Variants in ARAP2 observed in about 807,000 individuals in gnomAD.
The protein encoded by ARAP2 is arf-GAP with Rho-GAP domain, ANK repeat and PH domain-containing protein 2.
ARAP2 carries 148 observed loss-of-function variants against 194.5 expected under a neutral mutation model. The observed-to-expected ratio is 0.76, with a 90% CI of 0.67 to 0.87. ARAP2 has a LOEUF of 0.87. Among genes scored for constraint, ARAP2 ranks in the 40% least tolerant of loss-of-function variants. The probability of loss-of-function intolerance (pLI) is 0.00; values close to 1 mark genes in which losing one functional copy is unlikely to be tolerated. For missense variants in ARAP2, 2,128 were observed against 1,989.7 expected (o/e 1.07, Z -1.32); for synonymous variants, 695 against 683.5 (o/e 1.02, Z -0.26).
Position 36,050,709 on chromosome 4 carries a change from C to T in ARAP2, n.369+1297G>A, listed in dbSNP as rs116143771. Among the ~76,000 whole-genome samples, 1,269 of 152,230 alleles carry T rather than the reference C, an allele frequency of 8.3e-3. 13 individuals are homozygous for T. Among genetic ancestry groups the T allele is most frequent in the African/African-American group, 0.021 (888 of 41,556 alleles). ...TCAAGTGGAATACCATAAAATGGGA[C>T]GTATTTGAAATATAGGTACTTTCAT... is the stretch of plus-strand genomic sequence containing the variant. On this transcript the variant is annotated intron_variant and non_coding_transcript_variant, in intron 3 of 12. Coordinates refer to the ARAP2 transcript ENST00000503225.
chr4:36,155,837 T>C (rs1277163402), intron 15 of ARAP2, among the ~76,000 whole-genome samples: 1 of 152,038 alleles, frequency 6.6e-6, no homozygotes, highest in South Asian at 2.1e-4. Context: ...AGCCAGTAAG[T>C]ATACTTGAGC....
At chr4:36,232,720 T>C (rs928630921) in intron 1 of ARAP2, among the ~76,000 whole-genome samples, 4 of 152,244 alleles carry the variant, frequency 2.6e-5, no homozygotes, top group African/African-American at 9.6e-5. Context: ...AGGCATCTTA[T>C]CAACCCCTCA....
chr4:36,026,615 CAGG>C (rs1258908758), intron 5 of ARAP2, among the ~76,000 whole-genome samples: 1 of 152,168 alleles, frequency 6.6e-6, no homozygotes, highest in Non-Finnish European at 1.5e-5. Context: ...AAGCTCTCAG[CAGG>C]AGATTAACTC....
intron 32 of ARAP2, among the ~76,000 whole-genome samples, chr4:36,071,704 T>C (rs1272392836): frequency 6.6e-6 from 1 of 150,648 alleles, no homozygotes; most frequent in African/African-American, 2.5e-5. Flanking sequence ...TTTTTTTTCT[T>C]TTTTTTTTAT....
intron 3 of ARAP2, among the ~76,000 whole-genome samples, chr4:36,047,643 C>T (rs992663974): frequency 1.3e-5 from 2 of 152,130 alleles, no homozygotes; most frequent in African/African-American, 4.8e-5. Context: ...CAACTTATTC[C>T]TGAGGTTACC....
intron 2 of ARAP2, among the ~76,000 whole-genome samples, chr4:36,220,525 TTTTTA>T (rs954612559): frequency 1.3e-5 from 2 of 152,014 alleles, no homozygotes; most frequent in Non-Finnish European, 2.9e-5. Context: ...TGACTATACT[TTTTTA>T]TTTTATTTTA....
At chr4:36,143,745 T>C (rs1445871506) in intron 19 of ARAP2, among the ~76,000 whole-genome samples, 1 of 151,782 alleles carries the variant, frequency 6.6e-6, no homozygotes, top group East Asian at 1.9e-4. Context: ...GAAAGTAACT[T>C]GGTTATATTT....
chr4:36,063,195 T>A (rs1724742035), downstream of ARAP2, among the ~76,000 whole-genome samples: 1 of 152,182 alleles, frequency 6.6e-6, no homozygotes, highest in Non-Finnish European at 1.5e-5. Context: ...AACAGCTATG[T>A]TTTGTTAAAG....
chr4:36,007,444 T>C (rs1222801053), intron 9 of ARAP2, among the ~76,000 whole-genome samples: 1 of 152,220 alleles, frequency 6.6e-6, no homozygotes, highest in East Asian at 1.9e-4. Flanking sequence ...GAGGCAGAGA[T>C]TGAAGCTATG....
chr4:36,216,785 T>A (rs1055410473), intron 2 of ARAP2, among the ~76,000 whole-genome samples: 24 of 152,178 alleles, frequency 1.6e-4, no homozygotes, highest in African/African-American at 5.5e-4. Context: ...AAAATCATCA[T>A]GCTGAGCAAA....
rs761442937 is a variant in ARAP2, at chr4:36,114,151, T to C, written c.4156+19A>G. The C allele has an allele frequency of 6.8e-7, 1 of 1,473,270 alleles. No homozygotes were observed. The highest frequency in any genetic ancestry group is 1.7e-5 in the Admixed American group (1 of 57,356). The allele number at this position is 1,473,270 out of a possible 1,614,324, so 91.3% of individuals were successfully genotyped here. On this transcript the variant is annotated intron_variant, in intron 26 of 32. Coordinates refer to ENST00000303965, the MANE Select transcript of ARAP2 (RefSeq NM_015230.4). ...ACAGTATAAGTAATTTAAGAATCCC[T>C]AGCATAAAAATCACTTACCTAGCTC...
intron 6 of ARAP2, 51 bp downstream of exon 6, chr4:36,210,339 C>G (rs758619242): frequency 6.7e-7 from 1 of 1,501,394 alleles, no homozygotes; most frequent in African/African-American, 1.4e-5. Flanking sequence ...AATGAATAAA[C>G]TTGAAATTTT....
intron 5 of ARAP2, among the ~76,000 whole-genome samples, chr4:36,020,601 G>T (rs1401342068): frequency 6.6e-6 from 1 of 152,166 alleles, no homozygotes; most frequent in Non-Finnish European, 1.5e-5. Flanking sequence ...TCAGAATGAT[G>T]CACAATTTAA....
intron 3 of ARAP2, among the ~76,000 whole-genome samples, chr4:36,213,871 T>C (rs1451749927): frequency 3.3e-5 from 5 of 152,132 alleles, no homozygotes; most frequent in East Asian, 3.8e-4. Context: ...CCTTGAATTA[T>C]ACTAATCTAC....
chr4:36,083,565 A>T (rs1317580182), intron 28 of ARAP2, 115 bp from the exon 29 acceptor site: 1 of 728,356 alleles, frequency 1.4e-6, no homozygotes, highest in Non-Finnish European at 2.2e-6. Context: ...TTCATAAAAC[A>T]AACATTTCAT....
chr4:36,214,127 C>T (rs1174675801), intron 3 of ARAP2, among the ~76,000 whole-genome samples: 1 of 152,086 alleles, frequency 6.6e-6, no homozygotes, highest in Non-Finnish European at 1.5e-5. Flanking sequence ...GCTCAAACTG[C>T]CAGAAACCAT....
intron 2 of ARAP2, among the ~76,000 whole-genome samples, chr4:36,054,056 T>C (rs1286564579): frequency 6.6e-6 from 1 of 152,224 alleles, no homozygotes; most frequent in Non-Finnish European, 1.5e-5. Flanking sequence ...AATGGTGTTT[T>C]TCCATAAAAC....
At chr4:36,120,864 T>C (rs1321068568) in intron 23 of ARAP2, among the ~76,000 whole-genome samples, 1 of 151,650 alleles carries the variant, frequency 6.6e-6, no homozygotes, top group East Asian at 1.9e-4. Context: ...GTTCATTTTA[T>C]AACTTCACAC....
At chr4:36,220,866 A>G (rs1363532015) in intron 2 of ARAP2, among the ~76,000 whole-genome samples, 1 of 152,124 alleles carries the variant, frequency 6.6e-6, no homozygotes. Flanking sequence ...AAAAGTTATA[A>G]TAAGCTAGGG....
Sources: gnomAD v4.1 joint callset for allele counts (sites outside exome capture counted in the v4.1 genomes callset) on GRCh38, gnomAD v4.1.1 for gene constraint, MANE v1.5 for transcripts, NCBI Gene and HGNC (gene_info 2026-07-23, HGNC 2026-07-21) for gene names.